Variants in PPFIA1 observed in about 807,000 individuals in gnomAD.
The protein encoded by PPFIA1 is PPFI scaffold protein A1, also known as liprin-alpha-1.
Under a neutral mutation model 149.9 loss-of-function variants are expected in PPFIA1, and 25 were observed. The ratio of observed to expected loss-of-function variants is 0.17; its 90% confidence interval spans 0.12 to 0.23. The LOEUF is 0.23. PPFIA1 is among the 10% of genes least tolerant of loss of function. PPFIA1 has a pLI of 1.00. For synonymous variants in PPFIA1, 549 were observed against 552.8 expected (o/e 0.99, Z 0.10); for missense variants, 1,362 against 1,506.5 (o/e 0.90, Z 1.59).
chr11:70,336,505 CAAAAA>C (rs10640266), intron 11 of PPFIA1, among the ~76,000 whole-genome samples: 2 of 123,190 alleles, frequency 1.6e-5, no homozygotes, highest in South Asian at 2.7e-4. Context: ...GATCCTGTTT[CAAAAA>C]AAAAAAAAAA....
chr11:70,377,497 A>C (rs951343274), intron 25 of PPFIA1, among the ~76,000 whole-genome samples: 2 of 152,116 alleles, frequency 1.3e-5, no homozygotes, highest in African/African-American at 4.8e-5. Flanking sequence ...AATTGTTTCT[A>C]GTTAAAAATT....
Position 70,272,224 on chromosome 11 carries a change from G to C in PPFIA1, c.52G>C (p.Gly18Arg), listed in dbSNP as rs142092302. ...CAGCGAAGCAGAAGGCCCCCCTGGA[G>C]GAGGTGGAGGCCATGGTTCCGGCTC... is the stretch of plus-strand genomic sequence containing the variant. ...TISEAEGPPG[G>R]GGGHGSGSPS... Residue 18 changes from glycine (G) to arginine (R), a missense_variant, in exon 2 of 28, where the codon GGA (glycine) becomes CGA (arginine). This residue lies in a region of PPFIA1 where 100 missense variants were observed against 106.2 expected (regional missense o/e 0.94). Coordinates refer to ENST00000253925, the MANE Select transcript of PPFIA1 (RefSeq NM_003626.5). The C allele has an allele frequency of 2.2e-5, 36 of 1,613,986 alleles. No individual in the cohort carries two copies. The East Asian group carries it at 7.6e-4, about 34-fold the overall frequency.
At chr11:70,281,391 G>A (rs768340111) in intron 2 of PPFIA1, among the ~76,000 whole-genome samples, 2 of 152,136 alleles carry the variant, frequency 1.3e-5, no homozygotes, top group Admixed American at 6.5e-5. Flanking sequence ...GTAACCATCC[G>A]GGGGTTCCAT....
chr11:70,383,719 T>C lies in PPFIA1; in HGVS notation c.*729T>C, dbSNP rs2135518538. On this transcript the variant is annotated 3_prime_UTR_variant, in exon 28 of 28. Transcript: ENST00000253925. ...CGCTTTCCTAGCCTAGTCTCTGGAT[T>C]TGGGGAGCTTGTCTTCAGTGGCTGA... 6.5e-6 allele frequency: 1 copy of C among 152,710 alleles called. No homozygotes were observed. Among genetic ancestry groups the C allele is most frequent in the East Asian group, 1.9e-4 (1 of 5,242 alleles). 9.5% of individuals were successfully genotyped at this position (152,710 alleles called of 1,614,324 possible). A position where few individuals can be genotyped will look rare whatever the true frequency, so the allele number is the denominator to read the frequency against.
rs185874729 is a variant in PPFIA1 at position 70,332,290 on chromosome 11, C to A, written c.1212+196C>A. On this transcript the variant is annotated intron_variant, in intron 9 of 27. Coordinates refer to ENST00000253925, the MANE Select transcript of PPFIA1 (RefSeq NM_003626.5). ...CATGATCCTTTTATCCCGAAGTCTA[C>A]CTTGGTTTTGTGAGCTGTATACTAT... Among the ~76,000 whole-genome samples, 300 of 152,170 alleles carry A rather than the reference C, an allele frequency of 2.0e-3. 3 individuals carry two copies. The highest frequency in any genetic ancestry group is 0.01 in the Middle Eastern group (3 of 294).
chr11:70,331,791 C>T (rs1411261258), intron 8 of PPFIA1, among the ~76,000 whole-genome samples, 169 bp from the exon 9 acceptor site: 1 of 148,310 alleles, frequency 6.7e-6, no homozygotes, highest in East Asian at 1.9e-4. Context: ...AAAACAAAAA[C>T]AAAAACAAAA....
rs1185185315 is a variant in PPFIA1, at chr11:70,270,895, C to T, written c.-20C>T. 1 of 151,020 alleles carries T rather than the reference C, an allele frequency of 6.6e-6. No individual in the cohort carries two copies. Among genetic ancestry groups the T allele is most frequent in the Non-Finnish European group, 1.5e-5 (1 of 67,602 alleles). 9.4% of individuals were successfully genotyped at this position (151,020 alleles called of 1,614,324 possible). ...CGAGCCGCCGCGGAGCCTCCTCGCC[C>T]GCTCCCGCCGGCGAGCAAGGTAAGG... is the stretch of plus-strand genomic sequence containing the variant. On this transcript the variant is annotated 5_prime_UTR_variant, in exon 1 of 28. Transcript: ENST00000253925.
intron 15 of PPFIA1, chr11:70,346,015 A>T (rs1276443567): frequency 2.2e-6 from 1 of 448,646 alleles, no homozygotes; most frequent in Admixed American, 2.5e-5. Flanking sequence ...TGCAGGTTTG[A>T]ATCTTTCTTG....
chr11:70,308,708 GT>G, intron 2 of PPFIA1, among the ~76,000 whole-genome samples: 1 of 152,174 alleles, frequency 6.6e-6, no homozygotes, highest in East Asian at 1.9e-4. Context: ...AAGGTGGGAG[GT>G]TTGCTTGAGG....
chr11:70,383,337 T>G lies in PPFIA1; in HGVS notation c.*347T>G, dbSNP rs186342961. 2.0e-3 allele frequency: 412 copies of G among 208,778 alleles called. 1 individual carries two copies. The highest frequency in any genetic ancestry group is 8.9e-3 in the Admixed American group (139 of 15,622). The allele number at this position is 208,778 out of a possible 1,614,324, so 12.9% of individuals were successfully genotyped here. A position where few individuals can be genotyped will look rare whatever the true frequency, so the allele number is the denominator to read the frequency against. On this transcript the variant is annotated 3_prime_UTR_variant, in exon 28 of 28. Transcript: ENST00000253925. ...GAATGTACTGTAATGCTTGTATGTATAAATCCTATGAATAGAGGGCTTTTG... is the reference window on the plus strand; with the variant it reads ...GAATGTACTGTAATGCTTGTATGTAGAAATCCTATGAATAGAGGGCTTTTG...
intron 21 of PPFIA1, among the ~76,000 whole-genome samples, chr11:70,367,157 G>A (rs2056983810): frequency 6.6e-6 from 1 of 152,320 alleles, no homozygotes; most frequent in African/African-American, 2.4e-5. Flanking sequence ...GCTCTTTGCG[G>A]TGGAAATATA....
Position 70,339,261 on chromosome 11 carries a change from C to T in PPFIA1, c.1662C>T (p.Arg554=). 3.7e-6 allele frequency: 6 copies of T among 1,614,130 alleles called. No homozygotes were observed. The highest frequency in any genetic ancestry group is 5.1e-6 in the Non-Finnish European group (6 of 1,179,968). ...ACAGCACCAGTGCAGTGCTGCGGCG[C>T]CCACAGAAAGGCCGGCTGGCAGCCC... ...DSYSTSAVLR[R]PQKGRLAALR... is the part of the protein sequence containing the mutation. The change falls in exon 14 of 28, where the codon CGC becomes CGT. Residue 554 remains arginine (R), a synonymous_variant. Coordinates refer to ENST00000253925, the MANE Select transcript of PPFIA1 (RefSeq NM_003626.5).
chr11:70,376,429 C>CA (rs1257864473), intron 24 of PPFIA1, 103 bp from the exon 25 acceptor site: 2 of 1,136,388 alleles, frequency 1.8e-6, no homozygotes, highest in Non-Finnish European at 2.6e-6. Flanking sequence ...ACCCAGCCAG[C>CA]AGTGAGGGAG....
At chr11:70,318,869 C>T (rs1424095431) in intron 2 of PPFIA1, among the ~76,000 whole-genome samples, 2 of 152,246 alleles carry the variant, frequency 1.3e-5, no homozygotes, top group Admixed American at 1.3e-4. Context: ...TCCCTGATTG[C>T]TCCTAGCCTC....
chr11:70,363,703 A>G (rs1022572750), intron 21 of PPFIA1, among the ~76,000 whole-genome samples: 2 of 151,904 alleles, frequency 1.3e-5, no homozygotes, highest in Non-Finnish European at 2.9e-5. Flanking sequence ...TCTTAGAGAC[A>G]GGGTCTTGCT....
intron 3 of PPFIA1, 146 bp from the exon 4 acceptor site, chr11:70,324,701 T>C (rs2054161293): frequency 1.1e-6 from 1 of 933,634 alleles, no homozygotes; most frequent in Admixed American, 2.5e-5. Flanking sequence ...TATGATATTT[T>C]AATACAATTG....
intron 2 of PPFIA1, among the ~76,000 whole-genome samples, chr11:70,275,413 A>T (rs1382960748): frequency 6.6e-6 from 1 of 152,236 alleles, no homozygotes; most frequent in Non-Finnish European, 1.5e-5. Flanking sequence ...ATCTTTTGAT[A>T]CATAGAAGTG....
intron 10 of PPFIA1, chr11:70,334,719 G>A (rs1411646112): frequency 6.6e-6 from 1 of 152,280 alleles, no homozygotes; most frequent in Non-Finnish European, 1.5e-5. Flanking sequence ...GGGCGCACGG[G>A]GTTCGAATGC....
At chr11:70,298,148 C>T (rs7937984) in intron 2 of PPFIA1, among the ~76,000 whole-genome samples, 34,233 of 152,158 alleles carry the variant, frequency 0.22, 5,951 homozygotes, top group African/African-American at 0.48. Flanking sequence ...TCCTTCCTTC[C>T]GTCAACTTTT....
Sources: allele counts gnomAD v4.1 joint callset (sites outside exome capture counted in the v4.1 genomes callset), GRCh38; gene constraint gnomAD v4.1.1; regional missense constraint gnomAD v4.1.1; transcripts MANE v1.5; gene names NCBI Gene and HGNC (gene_info 2026-07-23, HGNC 2026-07-21).